The following RPH3A variants were observed in gnomAD, a reference collection of about 807,000 sequenced individuals.
RPH3A encodes rabphilin-3A.
Under a neutral mutation model 102.2 loss-of-function variants are expected in RPH3A, and 48 were observed. That is an observed-to-expected ratio of 0.47 (90% CI 0.37 to 0.60). The LOEUF (loss-of-function observed/expected upper bound fraction) is 0.60, where lower values mean the gene tolerates loss of function less well. Ranked by LOEUF, RPH3A falls within the 20% of genes least tolerant of loss-of-function variation. The pLI is 0.00. For missense variants in RPH3A, 781 were observed against 910.1 expected (o/e 0.86, Z 1.83); for synonymous variants, 310 against 324.3 (o/e 0.96, Z 0.47).
chr12:112,879,502 G>A (rs2042868351), intron 14 of RPH3A, among the ~76,000 whole-genome samples: 1 of 152,326 alleles, frequency 6.6e-6, no homozygotes, highest in African/African-American at 2.4e-5. Context: ...GGGGATGGTG[G>A]AGGTTCTGCC....
At position 112,856,140 on chromosome 12, in the gene RPH3A, G is replaced by T. The variant is rs2042406881; in HGVS notation, c.230+8298G>T. Reference sequence around the variant, plus strand: ...CTGGCACATAAACCCATCACACTGGGGCAAGCAGGGTGCAGGGTGTCTCTC... The same window carrying T: ...CTGGCACATAAACCCATCACACTGGTGCAAGCAGGGTGCAGGGTGTCTCTC... On this transcript the variant is annotated intron_variant, in intron 5 of 21. Coordinates refer to ENST00000389385, the MANE Select transcript of RPH3A (RefSeq NM_001143854.2). Among the ~76,000 whole-genome samples, 7 of 152,312 alleles carry T rather than the reference G, an allele frequency of 4.6e-5. No individual in the cohort carries two copies. The South Asian group carries it at 1.5e-3, about 32-fold the overall frequency.
chr12:112,847,648 A>T lies in RPH3A; in HGVS notation c.84-48A>T, dbSNP rs749572750. The T allele has an allele frequency of 1.9e-6, 3 of 1,589,018 alleles. No homozygotes were observed. The South Asian group carries it at 3.4e-5, about 18-fold the overall frequency. On this transcript the variant is annotated intron_variant, in intron 4 of 21. Transcript: ENST00000389385. ...CAGTGAGTTTCCCGGCAGGAATTTG[A>T]ACTACTATTTTCTGCCCACCCTCAC... is the stretch of plus-strand genomic sequence containing the variant.
At position 112,895,903 on chromosome 12, in the gene RPH3A, C is replaced by T. The variant is rs200647607; in HGVS notation, c.1954+30C>T. The T allele has an allele frequency of 5.0e-5, 72 of 1,437,948 alleles. No individual in the cohort carries two copies. The African/African-American group carries it at 9.5e-4, about 19-fold the overall frequency. 89.1% of individuals were successfully genotyped at this position (1,437,948 alleles called of 1,614,324 possible). Reference sequence around the variant, plus strand: ...GTGTTCCTAACTCCAGAGAAAACGCCCTCTTCTGTCCTCCCCAGAACAGGA... The same window carrying T: ...GTGTTCCTAACTCCAGAGAAAACGCTCTCTTCTGTCCTCCCCAGAACAGGA... On this transcript the variant is annotated intron_variant, in intron 21 of 21. Coordinates refer to ENST00000389385, the MANE Select transcript of RPH3A (RefSeq NM_001143854.2).
chr12:112,686,232 C>G (rs2040262191), intron 1 of RPH3A, among the ~76,000 whole-genome samples: 1 of 152,058 alleles, frequency 6.6e-6, no homozygotes. Flanking sequence ...CTTTCATCTT[C>G]CAGAACTTGG....
chr12:112,687,349 A>T (rs2040273021), intron 1 of RPH3A, among the ~76,000 whole-genome samples: 1 of 152,140 alleles, frequency 6.6e-6, no homozygotes, highest in Admixed American at 6.6e-5. Flanking sequence ...TGTTGCCAAG[A>T]TGATCTCCAC....
chr12:112,778,066 C>T (rs2040980843), intron 1 of RPH3A, among the ~76,000 whole-genome samples: 2 of 152,174 alleles, frequency 1.3e-5, no homozygotes, highest in Non-Finnish European at 2.9e-5. Context: ...GACAGAAATT[C>T]CCACCAATCT....
intron 1 of RPH3A, among the ~76,000 whole-genome samples, chr12:112,697,531 C>T (rs546765002): frequency 6.6e-6 from 1 of 152,274 alleles, no homozygotes; most frequent in East Asian, 1.9e-4. Context: ...GTTAAGATGT[C>T]TAGTCTTCCC....
At chr12:112,583,696 AAGGG>A (rs113674543) in intron 1 of RPH3A, among the ~76,000 whole-genome samples, 16,834 of 152,156 alleles carry the variant, frequency 0.11, 1,080 homozygotes, top group South Asian at 0.33. Context: ...TACAAAATTA[AAGGG>A]CTGGCCATGC....
intron 5 of RPH3A, among the ~76,000 whole-genome samples, chr12:112,854,698 C>G (rs2042379874): frequency 6.6e-6 from 1 of 152,186 alleles, no homozygotes; most frequent in African/African-American, 2.4e-5. Context: ...TCATAATGTC[C>G]TCACTGAGAG....
intron 3 of RPH3A, among the ~76,000 whole-genome samples, chr12:112,831,234 G>T (rs1288099877): frequency 6.7e-6 from 1 of 148,980 alleles, no homozygotes. Context: ...TGGTTCTTTT[G>T]TTTCTCTCCT....
chr12:112,666,842 TA>T (rs1356425089), intron 1 of RPH3A, among the ~76,000 whole-genome samples: 1 of 152,216 alleles, frequency 6.6e-6, no homozygotes, highest in Non-Finnish European at 1.5e-5. Context: ...ATGTCATTGT[TA>T]CCATATGTTC....
chr12:112,867,572 G>A (rs1041278665), intron 7 of RPH3A, among the ~76,000 whole-genome samples: 3 of 152,152 alleles, frequency 2.0e-5, no homozygotes, highest in Admixed American at 6.5e-5. Flanking sequence ...AAGGGTTGGC[G>A]AGTCACCCTA....
chr12:112,575,781 A>G (rs961783902), intron 1 of RPH3A, among the ~76,000 whole-genome samples: 4 of 152,150 alleles, frequency 2.6e-5, no homozygotes, highest in Non-Finnish European at 5.9e-5. Flanking sequence ...AAACTCAGAA[A>G]GTGCTGAAAT....
chr12:112,618,187 T>C (rs1289174001), intron 1 of RPH3A, among the ~76,000 whole-genome samples: 11 of 152,158 alleles, frequency 7.2e-5, no homozygotes, highest in Non-Finnish European at 4.4e-5. Context: ...AGAAGCCTTC[T>C]TAGAGGAGGC....
chr12:112,872,008 C>T (rs534191265), intron 10 of RPH3A, among the ~76,000 whole-genome samples: 10 of 151,754 alleles, frequency 6.6e-5, no homozygotes, highest in South Asian at 4.2e-4. Context: ...TGTCATTGTG[C>T]GCCTGACATA....
intron 17 of RPH3A, among the ~76,000 whole-genome samples, chr12:112,889,572 A>C (rs2043057818): frequency 6.6e-6 from 1 of 152,148 alleles, no homozygotes; most frequent in Non-Finnish European, 1.5e-5. Flanking sequence ...ATGGTTTTCT[A>C]ACTCTGTTTC....
chr12:112,706,699 GA>G (rs1166326225), intron 1 of RPH3A, among the ~76,000 whole-genome samples: 1 of 152,176 alleles, frequency 6.6e-6, no homozygotes, highest in Non-Finnish European at 1.5e-5. Flanking sequence ...TAACAGAAAA[GA>G]AATCTGTTTT....
chr12:112,832,258 A>T (rs972894739), intron 3 of RPH3A, among the ~76,000 whole-genome samples: 25 of 152,210 alleles, frequency 1.6e-4, no homozygotes, highest in Admixed American at 1.5e-3. Flanking sequence ...TTAATTTGCC[A>T]TTAAACCACC....
chr12:112,780,054 G>A (rs561102971), intron 1 of RPH3A, among the ~76,000 whole-genome samples: 10 of 152,206 alleles, frequency 6.6e-5, no homozygotes, highest in Admixed American at 1.3e-4. Flanking sequence ...GAGCGAACAC[G>A]GCCCTGCTGA....
Sources: gnomAD v4.1 joint callset for allele counts (sites outside exome capture counted in the v4.1 genomes callset) on GRCh38, gnomAD v4.1.1 for gene constraint, MANE v1.5 for transcripts, NCBI Gene and HGNC (gene_info 2026-07-23, HGNC 2026-07-21) for gene names.